AGBL4: variants seen among roughly 807,000 people sequenced by gnomAD.
AGBL4 encodes the protein cytosolic carboxypeptidase 6.
AGBL4 carries 58 observed loss-of-function variants against 66.4 expected under a neutral mutation model. The ratio of observed to expected loss-of-function variants is 0.87; its 90% CI spans 0.71 to 1.09. The LOEUF (loss-of-function observed/expected upper bound fraction) is 1.09, where lower values mean the gene tolerates loss of function less well. AGBL4 is among the 50% of genes least tolerant of loss of function. AGBL4 has a pLI of 0.00. For missense variants in AGBL4, 579 were observed against 631.0 expected (o/e 0.92, Z 0.88); for synonymous variants, 234 against 222.9 (o/e 1.05, Z -0.44).
chr1:49,597,569 T>A (rs540786470), intron 3 of AGBL4, among the ~76,000 whole-genome samples: 6 of 152,152 alleles, frequency 3.9e-5, no homozygotes, highest in South Asian at 2.1e-4. Flanking sequence ...ATGACTGGAG[T>A]ATGCAGAAGG....
intron 6 of AGBL4, among the ~76,000 whole-genome samples, chr1:48,685,582 C>T (rs1646518896): frequency 6.6e-6 from 1 of 152,114 alleles, no homozygotes; most frequent in Non-Finnish European, 1.5e-5. Flanking sequence ...CCTAGCTGTG[C>T]AGCCTTTGAA....
chr1:49,465,206 T>TACACAC (rs1646601070), intron 3 of AGBL4, among the ~76,000 whole-genome samples: 3 of 69,018 alleles, frequency 4.3e-5, no homozygotes, highest in African/African-American at 1.7e-4. Context: ...ACCCTACCCC[T>TACACAC]ACATACACAC....
intron 4 of AGBL4, among the ~76,000 whole-genome samples, chr1:49,160,877 C>G (rs1338679000): frequency 6.6e-6 from 1 of 152,172 alleles, no homozygotes; most frequent in Non-Finnish European, 1.5e-5. Context: ...ACTCAAGCCT[C>G]AGCAATGGCC....
At chr1:48,986,106 C>T (rs1660158897) in intron 5 of AGBL4, among the ~76,000 whole-genome samples, 1 of 151,604 alleles carries the variant, frequency 6.6e-6, no homozygotes, top group Non-Finnish European at 1.5e-5. Flanking sequence ...AGAAACTAAC[C>T]AAAAAGAAAC....
intron 2 of AGBL4, among the ~76,000 whole-genome samples, chr1:49,736,198 T>C (rs116523253): frequency 0.022 from 3,374 of 152,008 alleles, 48 homozygotes; most frequent in Non-Finnish European, 0.034. Context: ...CAAAGCCCAG[T>C]AGAATAAACT....
chr1:49,868,890 GT>G (rs1646771503), intron 1 of AGBL4, among the ~76,000 whole-genome samples: 1 of 151,940 alleles, frequency 6.6e-6, no homozygotes, highest in Non-Finnish European at 1.5e-5. Context: ...GAATATATAA[GT>G]AAATTAAACA....
At chr1:49,500,812 G>C (rs1292778824) in intron 3 of AGBL4, among the ~76,000 whole-genome samples, 1 of 151,906 alleles carries the variant, frequency 6.6e-6, no homozygotes, top group Non-Finnish European at 1.5e-5. Flanking sequence ...AGAATAATGT[G>C]ATGCCACCAG....
chr1:49,913,507 C>T (rs1252789933), intron 1 of AGBL4, among the ~76,000 whole-genome samples: 2 of 152,224 alleles, frequency 1.3e-5, no homozygotes, highest in Non-Finnish European at 2.9e-5. Context: ...GGGCTCAGCC[C>T]ACACGTCAGT....
intron 6 of AGBL4, among the ~76,000 whole-genome samples, chr1:48,665,009 A>G (rs914318913): frequency 6.6e-6 from 1 of 152,220 alleles, no homozygotes; most frequent in African/African-American, 2.4e-5. Context: ...GTGGTTCTTT[A>G]TCCCAACAGT....
intron 5 of AGBL4, among the ~76,000 whole-genome samples, chr1:48,910,748 G>T (rs1653020075): frequency 1.3e-5 from 2 of 152,118 alleles, no homozygotes; most frequent in Admixed American, 6.5e-5. Context: ...GGGTAGAAGA[G>T]GTGGCCGTAA....
chr1:49,252,979 AC>A (rs1652190295), intron 3 of AGBL4, among the ~76,000 whole-genome samples: 1 of 152,204 alleles, frequency 6.6e-6, no homozygotes, highest in African/African-American at 2.4e-5. Context: ...GGCCAGTGAC[AC>A]TACCAAGCAA....
intron 11 of AGBL4, among the ~76,000 whole-genome samples, chr1:48,546,793 A>G (rs973874026): frequency 6.6e-6 from 1 of 152,050 alleles, no homozygotes; most frequent in Admixed American, 6.6e-5. Context: ...TAAAAACAAA[A>G]GAAGACAAAA....
At chr1:48,851,724 C>T (rs74504763) in intron 6 of AGBL4, among the ~76,000 whole-genome samples, 4,844 of 152,234 alleles carry the variant, frequency 0.032, 268 homozygotes, top group African/African-American at 0.11. Flanking sequence ...CATCAAAGAA[C>T]GGACTTCATC....
At chr1:49,006,504 T>A (rs1661835184) in intron 5 of AGBL4, among the ~76,000 whole-genome samples, 1 of 152,172 alleles carries the variant, frequency 6.6e-6, no homozygotes, top group African/African-American at 2.4e-5. Context: ...GCGGGGAAGC[T>A]CGAACTGGGT....
At chr1:49,149,260 T>G (rs1320908963) in intron 4 of AGBL4, among the ~76,000 whole-genome samples, 1 of 152,214 alleles carries the variant, frequency 6.6e-6, no homozygotes, top group Non-Finnish European at 1.5e-5. Flanking sequence ...TTTGAAGTCT[T>G]TCAAAATTGT....
intron 3 of AGBL4, among the ~76,000 whole-genome samples, chr1:49,667,514 GA>G (rs537715557): frequency 2.3e-3 from 350 of 151,698 alleles, no homozygotes; most frequent in African/African-American, 8.2e-3. Context: ...AAAATAGAAG[GA>G]AAAAAATAAG....
chr1:49,744,171 G>C (rs558279365), intron 2 of AGBL4, among the ~76,000 whole-genome samples: 1 of 152,268 alleles, frequency 6.6e-6, no homozygotes, highest in South Asian at 2.1e-4. Context: ...TGGATTGGAG[G>C]TGGTTGGATC....
chr1:49,946,895 A>G (rs912823574), intron 1 of AGBL4, among the ~76,000 whole-genome samples: 4 of 151,980 alleles, frequency 2.6e-5, no homozygotes, highest in Non-Finnish European at 4.4e-5. Flanking sequence ...CACGATAGAA[A>G]TACAAAAGAT....
At chr1:49,598,587 G>C (rs1017390603) in intron 3 of AGBL4, among the ~76,000 whole-genome samples, 2 of 152,090 alleles carry the variant, frequency 1.3e-5, no homozygotes, top group East Asian at 3.9e-4. Flanking sequence ...TTTTGTCTCA[G>C]AGGAGTACCC....
Sources: gnomAD v4.1 joint callset for allele counts (sites outside exome capture counted in the v4.1 genomes callset) on GRCh38, gnomAD v4.1.1 for gene constraint, MANE v1.5 for transcripts, NCBI Gene and HGNC (gene_info 2026-07-23, HGNC 2026-07-21) for gene names.